The following CYP2C18 variants were observed in gnomAD, a reference collection of about 807,000 sequenced individuals.
CYP2C18 encodes cytochrome P450 family 2 subfamily C member 18.
Under a neutral mutation model 41.3 loss-of-function variants are expected in CYP2C18, and 38 were observed. That is an observed-to-expected ratio of 0.92 (90% confidence interval 0.71 to 1.21). The LOEUF (loss-of-function observed/expected upper bound fraction) is 1.21. Ranked by LOEUF, CYP2C18 falls within the 50% of genes most tolerant of loss-of-function variation. The pLI is 0.00. For synonymous variants in CYP2C18, 236 were observed against 210.0 expected, an observed-to-expected ratio of 1.12 and a Z score of -1.07; for missense variants, 635 against 591.4, an observed-to-expected ratio of 1.07 and a Z score of -0.77.
At chr10:94,724,625 G>T (rs1389610462) in intron 7 of CYP2C18, 92 bp downstream of exon 7, 2 of 1,253,070 alleles carry the variant, frequency 1.6e-6, no homozygotes, top group East Asian at 2.3e-5. Flanking sequence ...CATGATGAGA[G>T]AAGTGTAAAA....
rs146059124 is a variant in CYP2C18, at chr10:94,708,214, T to C, written c.819+1254T>C. Among the ~76,000 whole-genome samples, 4 of 152,272 alleles carry C rather than the reference T, an allele frequency of 2.6e-5. No homozygotes were observed. In the East Asian group the frequency reaches 7.7e-4, roughly 29 times the overall value. ...GACTGCTCGAATAATGTGTTCTAGA[T>C]GGAGTGAAGTGAAGAAGATGAGATA... On this transcript the variant is annotated intron_variant, in intron 5 of 8. Coordinates refer to ENST00000285979, the MANE Select transcript of CYP2C18 (RefSeq NM_000772.3).
chr10:94,712,980 G>C (rs1459039153), intron 5 of CYP2C18, among the ~76,000 whole-genome samples: 3 of 151,940 alleles, frequency 2.0e-5, no homozygotes, highest in Non-Finnish European at 4.4e-5. Flanking sequence ...TCATTTGTAT[G>C]TCTTCTTTTT....
chr10:94,688,396 G>A, intron 3 of CYP2C18, 122 bp downstream of exon 3: 4 of 1,181,290 alleles, frequency 3.4e-6, no homozygotes, highest in Non-Finnish European at 3.5e-6. Flanking sequence ...TACATGCACA[G>A]AATGTGTAAT....
chr10:94,707,579 G>T, intron 5 of CYP2C18, among the ~76,000 whole-genome samples: 1 of 152,116 alleles, frequency 6.6e-6, no homozygotes, highest in East Asian at 1.9e-4. Flanking sequence ...TAACAAGAGT[G>T]GGATGCGTAT....
In CYP2C18 at chr10:94,683,850, C is replaced by G. The variant is rs1400777156; in HGVS notation, c.31C>G (p.Leu11Val). The part of the protein sequence containing the change: MDPAVALVLC[L>V]SCLFLLSLWR... ...TCCAGCTGTGGCTCTGGTGCTCTGT[C>G]TCTCCTGTTTGTTTCTCCTTTCACT... The change falls in exon 1 of 9, where the codon CTC becomes GTC. Residue 11 changes from leucine to valine, a missense_variant. Leu to Val is a conservative substitution (Grantham distance 32, BLOSUM62 1). Coordinates refer to ENST00000285979, the MANE Select transcript of CYP2C18 (RefSeq NM_000772.3). The G allele has an allele frequency of 4.4e-6, 7 of 1,608,750 alleles. No homozygotes were observed. Among genetic ancestry groups the G allele is most frequent in the Non-Finnish European group, 5.9e-6 (7 of 1,177,700 alleles).
intron 4 of CYP2C18, among the ~76,000 whole-genome samples, chr10:94,706,145 T>C (rs1033441119): frequency 1.3e-5 from 2 of 152,144 alleles, no homozygotes; most frequent in Admixed American, 6.6e-5. Context: ...TGATTGGATT[T>C]TGGGGTGTAT....
chr10:94,696,810 G>T (rs1364853450), intron 4 of CYP2C18, among the ~76,000 whole-genome samples: 1 of 152,112 alleles, frequency 6.6e-6, no homozygotes, highest in African/African-American at 2.4e-5. Flanking sequence ...TGAAAACCAC[G>T]GCCCGAGAAT....
chr10:94,719,945 C>T (rs2134202024), intron 5 of CYP2C18, among the ~76,000 whole-genome samples: 1 of 152,104 alleles, frequency 6.6e-6, no homozygotes, highest in South Asian at 2.1e-4. Flanking sequence ...CTCCAGAACT[C>T]AAGTGATCCT....
In CYP2C18 at chr10:94,683,752, A is replaced by C; in HGVS notation, c.-68A>C. The C allele has an allele frequency of 8.2e-7, 1 of 1,225,502 alleles. No homozygotes were observed. 75.9% of individuals were successfully genotyped at this position (1,225,502 alleles called of 1,614,324 possible). A position where few individuals can be genotyped will look rare whatever the true frequency, so the allele number is the denominator to read the frequency against. ...TCAGAGTCAGAATCACAGGTGGATT[A>C]GTAGGGAGTGTTATAAAAGCCTTGA... On this transcript the variant is annotated 5_prime_UTR_variant, in exon 1 of 9. Transcript: ENST00000285979.
intron 4 of CYP2C18, among the ~76,000 whole-genome samples, chr10:94,705,360 C>CAACAGGCCTGTCCAACACTA (rs994283586): frequency 1.3e-5 from 2 of 152,006 alleles, no homozygotes; most frequent in African/African-American, 4.8e-5. Flanking sequence ...AGGGCCTGTC[C>CAACAGGCCTGTCCAACACTA]GGGGTGTTGG....
Position 94,693,730 on chromosome 10 carries a change from TA to T in CYP2C18, c.482-1184del, listed in dbSNP as rs1001652715. Among the ~76,000 whole-genome samples the T allele has an allele frequency of 1.2e-4, 18 of 152,222 alleles. 1 individual carries two copies. Among genetic ancestry groups the T allele is most frequent in the Admixed American group, 9.8e-4 (15 of 15,268 alleles). ...GAAGCCTGGCATAGGAGCAGTTAACTAAACAGGGTCCCATTATTTAATTCCC... is the reference window on the plus strand; with the variant it reads ...GAAGCCTGGCATAGGAGCAGTTAACTAACAGGGTCCCATTATTTAATTCCC... On this transcript the variant is annotated intron_variant, in intron 3 of 8. Coordinates refer to ENST00000285979, the MANE Select transcript of CYP2C18 (RefSeq NM_000772.3).
chr10:94,717,460 T>A (rs879379662), intron 5 of CYP2C18, among the ~76,000 whole-genome samples: 1 of 152,180 alleles, frequency 6.6e-6, no homozygotes, highest in Admixed American at 6.6e-5. Flanking sequence ...TGGCTGGATA[T>A]GAAATTCTGG....
chr10:94,717,864 A>G (rs1423985460), intron 5 of CYP2C18, among the ~76,000 whole-genome samples: 1 of 152,092 alleles, frequency 6.6e-6, no homozygotes, highest in Non-Finnish European at 1.5e-5. Flanking sequence ...AATTTGTAGT[A>G]TAGCTTGAAA....
At chr10:94,699,877 A>G (rs1589796388) in intron 4 of CYP2C18, among the ~76,000 whole-genome samples, 1 of 152,314 alleles carries the variant, frequency 6.6e-6, no homozygotes, top group Middle Eastern at 3.4e-3. Flanking sequence ...CCCATTCAAA[A>G]TTGCTTCAAA....
At chr10:94,715,927 G>T (rs978925576) in intron 5 of CYP2C18, among the ~76,000 whole-genome samples, 3 of 151,962 alleles carry the variant, frequency 2.0e-5, no homozygotes, top group Admixed American at 6.6e-5. Flanking sequence ...TGTATGTGTC[G>T]AGAAATTTAT....
intron 5 of CYP2C18, among the ~76,000 whole-genome samples, chr10:94,708,581 AT>A (rs1313310885): frequency 2.0e-5 from 3 of 152,156 alleles, no homozygotes; most frequent in Non-Finnish European, 2.9e-5. Context: ...TTTTCACAGC[AT>A]TTTTATTGAG....
At chr10:94,723,239 A>T (rs1847676631) in intron 6 of CYP2C18, among the ~76,000 whole-genome samples, 1 of 152,120 alleles carries the variant, frequency 6.6e-6, no homozygotes. Flanking sequence ...AATGTCTGAA[A>T]CCAATTCAGG....
chr10:94,722,905 A>G (rs1167010970), intron 6 of CYP2C18, among the ~76,000 whole-genome samples: 1 of 152,148 alleles, frequency 6.6e-6, no homozygotes, highest in African/African-American at 2.4e-5. Flanking sequence ...GCACCAGTGG[A>G]AAGACCTCCA....
intron 7 of CYP2C18, among the ~76,000 whole-genome samples, chr10:94,729,917 G>T (rs535025640): frequency 6.6e-6 from 1 of 152,138 alleles, no homozygotes; most frequent in Non-Finnish European, 1.5e-5. Context: ...ATCCTAGGAA[G>T]CCTGTAACAA....
Sources: gnomAD v4.1 joint callset for allele counts (sites outside exome capture counted in the v4.1 genomes callset) on GRCh38, gnomAD v4.1.1 for gene constraint, MANE v1.5 for transcripts, NCBI Gene and HGNC (gene_info 2026-07-23, HGNC 2026-07-21) for gene names.